DGKD: variants seen among roughly 807,000 people sequenced by gnomAD.
DGKD encodes DAG kinase delta.
A neutral mutation model predicts 154.4 loss-of-function variants in DGKD; 68 were observed. That is an observed-to-expected ratio of 0.44 (90% confidence interval 0.36 to 0.54). The LOEUF is 0.54. Among genes scored for constraint, DGKD ranks in the 20% least tolerant of loss-of-function variants. The pLI is 0.00. For missense variants in DGKD, 1,343 were observed against 1,593.6 expected, an observed-to-expected ratio of 0.84 and a Z score of 2.68; for synonymous variants, 693 against 638.0, an observed-to-expected ratio of 1.09 and a Z score of -1.30.
In DGKD at chr2:233,438,402, C is replaced by T. The variant is rs753942821; in HGVS notation, c.1085+23C>T. 8 of 1,592,144 alleles carry T rather than the reference C, an allele frequency of 5.0e-6. No homozygotes were observed. The highest frequency in any genetic ancestry group is 6.9e-6 in the Non-Finnish European group (8 of 1,167,830). On this transcript the variant is annotated intron_variant, in intron 9 of 29. Transcript: ENST00000264057. The surrounding 1 kb of genome is among the most constrained non-coding windows in gnomAD (Gnocchi z 4.1). ...CGGGTAGGAAGCTTGTAAAATATATCTTTCTTGGAGTTTTAAAAATTGTGT... is the reference window on the plus strand; with the variant it reads ...CGGGTAGGAAGCTTGTAAAATATATTTTTCTTGGAGTTTTAAAAATTGTGT...
At position 233,445,938 on chromosome 2, in the gene DGKD, G is replaced by A. The variant is rs2063055716; in HGVS notation, c.1334+176G>A. Among the ~76,000 whole-genome samples, 1 of 152,186 alleles carries A rather than the reference G, an allele frequency of 6.6e-6. No individual in the cohort carries two copies. Among genetic ancestry groups the A allele is most frequent in the African/African-American group, 2.4e-5 (1 of 41,440 alleles). On this transcript the variant is annotated intron_variant, in intron 11 of 29. Coordinates refer to ENST00000264057, the MANE Select transcript of DGKD (RefSeq NM_152879.3). This position sits in a 1 kb window ranked among gnomAD's most constrained non-coding sequence, Gnocchi z 5.5. ...TGATATTTGGTCAGATTATGACAAG[G>A]ATAAAAACAAAACAGGTTAAGAACC...
intron 1 of DGKD, among the ~76,000 whole-genome samples, chr2:233,369,535 A>G (rs1018901871): frequency 1.3e-5 from 2 of 152,178 alleles, no homozygotes; most frequent in Non-Finnish European, 2.9e-5. Flanking sequence ...ATTTTCTGCA[A>G]TCATTCATTT....
At chr2:233,434,096 A>G (rs2062614837) in intron 3 of DGKD, among the ~76,000 whole-genome samples, 2 of 152,254 alleles carry the variant, frequency 1.3e-5, no homozygotes, top group South Asian at 2.1e-4. Context: ...TTATTTCCTT[A>G]GGGTTTACTA....
At chr2:233,444,962 G>T (rs1445115449) in intron 10 of DGKD, among the ~76,000 whole-genome samples, 1 of 152,046 alleles carries the variant, frequency 6.6e-6, no homozygotes, top group East Asian at 1.9e-4. Flanking sequence ...GGCCTCCTAA[G>T]CAATGGAATG....
intron 3 of DGKD, among the ~76,000 whole-genome samples, chr2:233,398,862 G>A (rs1316010909): frequency 6.6e-6 from 1 of 152,140 alleles, no homozygotes; most frequent in Non-Finnish European, 1.5e-5. Flanking sequence ...GAGCTCAAGT[G>A]ATCTGCCCGC....
chr2:233,413,335 T>C (rs924987895), intron 3 of DGKD, among the ~76,000 whole-genome samples: 4 of 152,200 alleles, frequency 2.6e-5, no homozygotes, highest in African/African-American at 9.6e-5. Context: ...TTGCTAGAGT[T>C]TACCAGTGAA....
chr2:233,364,349 CAAGTT>C (rs1323818488), intron 1 of DGKD, among the ~76,000 whole-genome samples: 2 of 152,102 alleles, frequency 1.3e-5, no homozygotes, highest in African/African-American at 4.8e-5. Flanking sequence ...GGAAAATGCT[CAAGTT>C]AAGCGTTAGA....
chr2:233,442,918 A>G (rs2062948522), intron 10 of DGKD, among the ~76,000 whole-genome samples: 1 of 151,670 alleles, frequency 6.6e-6, no homozygotes, highest in Non-Finnish European at 1.5e-5. Context: ...ACTGCTTTTA[A>G]AAAACCACTA....
chr2:233,416,073 T>A (rs1208711933), intron 3 of DGKD, among the ~76,000 whole-genome samples: 2 of 152,260 alleles, frequency 1.3e-5, no homozygotes, highest in African/African-American at 4.8e-5. Context: ...CTGCCTTTTT[T>A]AAACACAATA....
intron 1 of DGKD, among the ~76,000 whole-genome samples, chr2:233,355,311 A>C (rs1164986404): frequency 1.3e-5 from 2 of 152,308 alleles, no homozygotes; most frequent in Non-Finnish European, 2.9e-5. Context: ...TCCTGACGCT[A>C]AATGTTAGAT....
intron 1 of DGKD, chr2:233,385,951 A>G (rs1178124799): frequency 8.5e-6 from 4 of 471,066 alleles, no homozygotes; most frequent in Non-Finnish European, 1.8e-5. Flanking sequence ...GGGCAGCCCA[A>G]GATCGCAGAC....
intron 28 of DGKD, among the ~76,000 whole-genome samples, chr2:233,468,220 C>G (rs2063889573): frequency 6.8e-6 from 1 of 147,178 alleles, no homozygotes; most frequent in Non-Finnish European, 1.5e-5. Flanking sequence ...GCTGGGCTAT[C>G]TCAGGCACTG....
rs2063969818 is a variant in DGKD at position 233,470,335 on chromosome 2, A to C, written c.*875A>C. On this transcript the variant is annotated 3_prime_UTR_variant, in exon 30 of 30. Coordinates refer to ENST00000264057, the MANE Select transcript of DGKD (RefSeq NM_152879.3). ...TGGGAAATGCTTCCTGGCTCTGGGA[A>C]ACTTTTTCTGCCCATTCTGTGGTTC... 6.6e-6 allele frequency: 1 copy of C among 152,434 alleles called. No homozygotes were observed. Among genetic ancestry groups the C allele is most frequent in the East Asian group, 1.9e-4 (1 of 5,318 alleles). 9.4% of individuals were successfully genotyped at this position (152,434 alleles called of 1,614,324 possible). A position where few individuals can be genotyped will look rare whatever the true frequency, so the allele number is the denominator to read the frequency against.
At chr2:233,364,536 C>A (rs1701933639) in intron 1 of DGKD, among the ~76,000 whole-genome samples, 7 of 152,152 alleles carry the variant, frequency 4.6e-5, no homozygotes, top group Admixed American at 4.6e-4. Context: ...AAAGTCTTTC[C>A]ATTTCCAGGA....
At chr2:233,362,811 T>A (rs1559470249) in intron 1 of DGKD, among the ~76,000 whole-genome samples, 1 of 152,210 alleles carries the variant, frequency 6.6e-6, no homozygotes, top group African/African-American at 2.4e-5. Context: ...CGGATGATGA[T>A]CCACATGGAC....
intron 17 of DGKD, 104 bp from the exon 18 acceptor site, chr2:233,451,860 A>G (rs963551540): frequency 4.3e-6 from 4 of 939,742 alleles, no homozygotes; most frequent in Admixed American, 4.9e-5. Flanking sequence ...TTTAATTATA[A>G]TAACGTTCTG....
In DGKD at chr2:233,449,512, C is replaced by A; in HGVS notation, c.1888+136C>A. ...GCGGCCCTCTCCACCCATGTCCAGGCACCAGACCCCCAACGAGTTCGCTTG... is the reference window on the plus strand; with the variant it reads ...GCGGCCCTCTCCACCCATGTCCAGGAACCAGACCCCCAACGAGTTCGCTTG... On this transcript the variant is annotated intron_variant, in intron 15 of 29. Coordinates refer to ENST00000264057, the MANE Select transcript of DGKD (RefSeq NM_152879.3). This position sits in a 1 kb window ranked among gnomAD's most constrained non-coding sequence, Gnocchi z 5.3. The A allele has an allele frequency of 1.6e-6, 2 of 1,253,430 alleles. No individual in the cohort carries two copies. Among genetic ancestry groups the A allele is most frequent in the Non-Finnish European group, 2.2e-6 (2 of 929,828 alleles). 77.6% of individuals were successfully genotyped at this position (1,253,430 alleles called of 1,614,324 possible). A position where few individuals can be genotyped will look rare whatever the true frequency, so the allele number is the denominator to read the frequency against.
In DGKD at chr2:233,462,328, G is replaced by A. The variant is rs201732929; in HGVS notation, c.2982-20G>A. On this transcript the variant is annotated intron_variant, in intron 24 of 29. Transcript: ENST00000264057. ...CTTCCATTTGGCCTGACATCTGCCCGTGCTTCTCTTCCTCTCTAGTATCCG... is the reference window on the plus strand; with the variant it reads ...CTTCCATTTGGCCTGACATCTGCCCATGCTTCTCTTCCTCTCTAGTATCCG... 51 of 1,581,444 alleles carry A rather than the reference G, an allele frequency of 3.2e-5. No homozygotes were observed. The highest frequency in any genetic ancestry group is 1.2e-4 in the African/African-American group (9 of 74,420).
chr2:233,450,009 A>G lies in DGKD; in HGVS notation c.1916A>G (p.Gln639Arg). 3 of 1,610,864 alleles carry G rather than the reference A, an allele frequency of 1.9e-6. No homozygotes were observed. The highest frequency in any genetic ancestry group is 2.2e-5 in the South Asian group (2 of 90,728). Residue 639 changes from glutamine to arginine, a missense_variant, in exon 16 of 30, where the codon CAG becomes CGG. Physicochemically the swap from Gln to Arg is conservative, Grantham distance 43. This residue lies in a region of DGKD where 409 missense variants were observed against 446.0 expected (regional missense o/e 0.92). Coordinates refer to ENST00000264057, the MANE Select transcript of DGKD (RefSeq NM_152879.3). ...KAVDEQNAQTQEQEGFVLGLS... is the reference protein window; with the variant it reads ...KAVDEQNAQTREQEGFVLGLS... ...GTCGATGAGCAGAATGCCCAGACCCAGGAGCAGGAGGGCTTCGTCCTGGGC... is the reference window on the plus strand; with the variant it reads ...GTCGATGAGCAGAATGCCCAGACCCGGGAGCAGGAGGGCTTCGTCCTGGGC...
Sources: allele counts gnomAD v4.1 joint callset (sites outside exome capture counted in the v4.1 genomes callset), GRCh38; gene constraint gnomAD v4.1.1; regional missense constraint gnomAD v4.1.1; non-coding constraint Gnocchi (gnomAD v3.1); transcripts MANE v1.5; gene names NCBI Gene and HGNC (gene_info 2026-07-23, HGNC 2026-07-21).